The following COL25A1 variants were observed in gnomAD, a reference collection of about 807,000 sequenced individuals.
The protein encoded by COL25A1 is collagen type XXV alpha 1 chain.
In COL25A1, 103 loss-of-function variants were observed where a neutral mutation model predicts 128.4. The ratio of observed to expected loss-of-function variants is 0.80; its 90% CI spans 0.68 to 0.94. The LOEUF is 0.94. Among genes scored for constraint, COL25A1 ranks in the 40% least tolerant of loss-of-function variants. The probability of loss-of-function intolerance (pLI) is 0.00; values close to 1 mark genes in which losing one functional copy is unlikely to be tolerated. For synonymous variants in COL25A1, 279 were observed against 277.2 expected (o/e 1.01, Z -0.06); for missense variants, 745 against 840.0 (o/e 0.89, Z 1.40).
intron 3 of COL25A1, among the ~76,000 whole-genome samples, chr4:109,296,624 T>C (rs1398224037): frequency 6.6e-6 from 1 of 152,126 alleles, no homozygotes; most frequent in East Asian, 1.9e-4. Context: ...ATTTTGGAGA[T>C]ATGAAAATAG....
rs369026509 is a variant in COL25A1, at chr4:108,882,741, G to T, written c.1020+1437C>A. The stretch of plus-strand genomic sequence containing the variant: ...CATAGAGTGTTACTTTTTCACCAAA[G>T]AAGCCAAAGACTAAAAATCTATTAA... On this transcript the variant is annotated intron_variant, in intron 19 of 37. Transcript: ENST00000399132. Among the ~76,000 whole-genome samples, 338 of 152,142 alleles carry T rather than the reference G, an allele frequency of 2.2e-3. 1 individual carries two copies. The highest frequency in any genetic ancestry group is 7.7e-3 in the African/African-American group (321 of 41,546).
intron 3 of COL25A1, among the ~76,000 whole-genome samples, chr4:109,171,697 T>C (rs1040449467): frequency 6.6e-6 from 1 of 152,238 alleles, no homozygotes; most frequent in African/African-American, 2.4e-5. Context: ...TAGCCACTAC[T>C]TTGACATAAC....
At chr4:108,815,044 T>C (rs1395127754) in intron 37 of COL25A1, among the ~76,000 whole-genome samples, 3 of 152,208 alleles carry the variant, frequency 2.0e-5, no homozygotes, top group Non-Finnish European at 4.4e-5. Flanking sequence ...AATGTGTCTA[T>C]AGGAAGCACT....
At chr4:109,160,763 G>A (rs1646505296) in intron 3 of COL25A1, among the ~76,000 whole-genome samples, 1 of 152,150 alleles carries the variant, frequency 6.6e-6, no homozygotes, top group African/African-American at 2.4e-5. Flanking sequence ...TGACCTGTAA[G>A]TGAGGAAAGA....
chr4:108,992,847 CTTA>C (rs897266633), intron 6 of COL25A1, among the ~76,000 whole-genome samples: 19 of 149,778 alleles, frequency 1.3e-4, no homozygotes, highest in East Asian at 5.9e-4. Flanking sequence ...TTTTTTTGTT[CTTA>C]TTATTCTATT....
intron 8 of COL25A1, among the ~76,000 whole-genome samples, chr4:108,945,459 T>G (rs1348556844): frequency 6.6e-6 from 1 of 152,180 alleles, no homozygotes; most frequent in Non-Finnish European, 1.5e-5. Flanking sequence ...GGATATAATT[T>G]TTATTAACCA....
At chr4:109,032,042 T>C (rs1168602183) in intron 5 of COL25A1, among the ~76,000 whole-genome samples, 1 of 152,196 alleles carries the variant, frequency 6.6e-6, no homozygotes, top group Non-Finnish European at 1.5e-5. Context: ...CAGCTAACAC[T>C]TATGGTGTTG....
At chr4:109,060,387 C>T (rs188255576) in intron 3 of COL25A1, among the ~76,000 whole-genome samples, 2 of 152,246 alleles carry the variant, frequency 1.3e-5, no homozygotes, top group Admixed American at 6.5e-5. Flanking sequence ...TTCCATGGCC[C>T]CCTTGACCCC....
chr4:109,140,358 G>T (rs190574086), intron 3 of COL25A1, among the ~76,000 whole-genome samples: 233 of 152,298 alleles, frequency 1.5e-3, no homozygotes, highest in Middle Eastern at 6.8e-3. Flanking sequence ...TTGAAGTCAG[G>T]TAGTGTGATG....
chr4:109,036,852 C>T (rs1759409365), intron 5 of COL25A1, among the ~76,000 whole-genome samples: 1 of 152,194 alleles, frequency 6.6e-6, no homozygotes, highest in Admixed American at 6.5e-5. Context: ...TCACTCTCAC[C>T]TGTGAAAAAG....
At chr4:108,907,954 G>A (rs1427719596) in intron 13 of COL25A1, among the ~76,000 whole-genome samples, 1 of 152,120 alleles carries the variant, frequency 6.6e-6, no homozygotes, top group Non-Finnish European at 1.5e-5. Context: ...CTTGTAAAGT[G>A]TGTGGGGCTG....
intron 3 of COL25A1, among the ~76,000 whole-genome samples, chr4:109,076,831 A>C (rs1763422389): frequency 6.6e-6 from 1 of 151,994 alleles, no homozygotes; most frequent in Non-Finnish European, 1.5e-5. Flanking sequence ...CCTCACATGC[A>C]CAGTTCACAA....
Position 109,068,271 on chromosome 4 carries a change from A to G in COL25A1, c.368-18092T>C, listed in dbSNP as rs79408621. The stretch of plus-strand genomic sequence containing the variant: ...ACACAACATTGGATTATTACAGTTG[A>G]ATGAAAAGATAAAAGCAAAAAAGAA... On this transcript the variant is annotated intron_variant, in intron 3 of 37. Coordinates refer to ENST00000399132, the MANE Select transcript of COL25A1 (RefSeq NM_198721.4). Among the ~76,000 whole-genome samples the G allele has an allele frequency of 2.5e-3, 377 of 152,344 alleles. 1 individual carries two copies. Among genetic ancestry groups the G allele is most frequent in the African/African-American group, 8.7e-3 (361 of 41,572 alleles).
rs1760846860 is a variant in COL25A1, at chr4:109,050,136, A to C, written c.411T>G (p.Ser137=). The C allele has an allele frequency of 6.2e-7, 1 of 1,609,498 alleles. No homozygotes were observed. The highest frequency in any genetic ancestry group is 8.5e-7 in the Non-Finnish European group (1 of 1,177,028). The change falls in exon 4 of 38, where the codon TCT becomes TCG. Residue 137 remains serine (S), a splice_region_variant and synonymous_variant. Coordinates refer to ENST00000399132, the MANE Select transcript of COL25A1 (RefSeq NM_198721.4). ...AGAGCAGCTGAAAGAGAGACTTACCAGATTCTCCTCTTCGGCCTCTCTTAC... is the reference window on the plus strand; with the variant it reads ...AGAGCAGCTGAAAGAGAGACTTACCCGATTCTCCTCTTCGGCCTCTCTTAC... The part of the protein sequence containing the change: ...KRGKRGRRGE[S]GPPGQPGPQG...
chr4:108,871,595 C>T (rs1738720182), intron 19 of COL25A1, among the ~76,000 whole-genome samples: 2 of 152,184 alleles, frequency 1.3e-5, no homozygotes, highest in African/African-American at 4.8e-5. Context: ...GGATTACAGG[C>T]GTGAGCCACC....
intron 8 of COL25A1, among the ~76,000 whole-genome samples, chr4:108,972,455 T>C (rs1207062412): frequency 6.6e-6 from 1 of 152,216 alleles, no homozygotes; most frequent in Non-Finnish European, 1.5e-5. Flanking sequence ...AATATGTAGC[T>C]AATACTATCT....
chr4:108,943,003 G>T (rs1748322645), intron 8 of COL25A1, among the ~76,000 whole-genome samples: 1 of 151,988 alleles, frequency 6.6e-6, no homozygotes, highest in Non-Finnish European at 1.5e-5. Flanking sequence ...GGATCTGACT[G>T]CCTCGGCCTC....
chr4:109,301,648 A>T, intron 2 of COL25A1, 75 bp downstream of exon 2: 1 of 1,504,556 alleles, frequency 6.6e-7, no homozygotes, highest in Admixed American at 1.8e-5. Context: ...CAGTAAGGGT[A>T]GCGGCTAGTC....
At position 108,955,700 on chromosome 4, in the gene COL25A1, G is replaced by A. The variant is rs187446264; in HGVS notation, c.493-14263C>T. ...AAGGGCAACAAAAAGAGTATATTCC[G>A]TTAGATTCAGACACAGAAGCATAAT... On this transcript the variant is annotated intron_variant, in intron 8 of 37. Transcript: ENST00000399132. Among the ~76,000 whole-genome samples, 11 of 152,212 alleles carry A rather than the reference G, an allele frequency of 7.2e-5. No homozygotes were observed. The South Asian group carries it at 1.0e-3, about 14-fold the overall frequency.
Sources: gnomAD v4.1 joint callset for allele counts (sites outside exome capture counted in the v4.1 genomes callset) on GRCh38, gnomAD v4.1.1 for gene constraint, MANE v1.5 for transcripts, NCBI Gene and HGNC (gene_info 2026-07-23, HGNC 2026-07-21) for gene names.